Variants in ARL1 observed in about 807,000 individuals in gnomAD.
The protein encoded by ARL1 is ARF like GTPase 1, also known as ADP-ribosylation factor-like protein 1.
ARL1 carries 17 observed loss-of-function variants against 30.1 expected under a neutral mutation model. The observed-to-expected ratio is 0.56, with a 90% CI of 0.39 to 0.85. The LOEUF (loss-of-function observed/expected upper bound fraction) is 0.85, where lower values mean the gene tolerates loss of function less well. Ranked by LOEUF, ARL1 falls within the 40% of genes least tolerant of loss-of-function variation. The pLI is 0.00. For missense variants in ARL1, 102 were observed against 212.6 expected, an observed-to-expected ratio of 0.48 and a Z score of 3.24; for synonymous variants, 58 against 71.7, an observed-to-expected ratio of 0.81 and a Z score of 0.97.
rs985592174 is a variant in ARL1 at position 101,393,606 on chromosome 12, A to C, written c.*2034T>G. 1 of 152,204 alleles carries C rather than the reference A, an allele frequency of 6.6e-6. No homozygotes were observed. Among genetic ancestry groups the C allele is most frequent in the Non-Finnish European group, 1.5e-5 (1 of 68,050 alleles). The allele number at this position is 152,204 out of a possible 1,614,324, so 9.4% of individuals were successfully genotyped here. ...GGACCATATAATTTATAGCTTATTT[A>C]AGTGTCCACTTTCTTTATCCCATCC... On this transcript the variant is annotated 3_prime_UTR_variant, in exon 6 of 6. Transcript: ENST00000261636.
intron 3 of ARL1, 53 bp from the exon 4 acceptor site, chr12:101,401,226 C>G (rs988943888): frequency 4.7e-6 from 6 of 1,286,744 alleles, no homozygotes; most frequent in Non-Finnish European, 5.6e-6. Flanking sequence ...AAGGAAGAAA[C>G]TGACATATCA....
rs1382207100 is a variant in ARL1, at chr12:101,396,325, A to C, written c.515+74T>G. The C allele has an allele frequency of 1.9e-6, 3 of 1,585,428 alleles. No homozygotes were observed. The Admixed American group carries it at 5.0e-5, about 26-fold the overall frequency. Reference sequence around the variant, plus strand: ...AAAGTTTCATCCTCAACACGGGAGAAAAATTACACGTGGACGTGCATAGCT... The same window carrying C: ...AAAGTTTCATCCTCAACACGGGAGACAAATTACACGTGGACGTGCATAGCT... On this transcript the variant is annotated intron_variant, in intron 5 of 5. Coordinates refer to ENST00000261636, the MANE Select transcript of ARL1 (RefSeq NM_001177.6).
chr12:101,399,315 C>A (rs1052466478), intron 4 of ARL1, among the ~76,000 whole-genome samples: 6 of 151,940 alleles, frequency 3.9e-5, no homozygotes, highest in Non-Finnish European at 7.4e-5. Context: ...AGTTCGAGAC[C>A]AGCCTGGCCA....
At chr12:101,403,593 T>C (rs1322301239) in intron 2 of ARL1, 1 of 156,784 alleles carries the variant, frequency 6.4e-6, no homozygotes, top group African/African-American at 2.4e-5. Context: ...AATAAGGTCA[T>C]GGCTGGGTGG....
rs761052404 is a variant in ARL1 at position 101,401,155 on chromosome 12, G to A, written c.243C>T (p.Tyr81=). The A allele has an allele frequency of 5.6e-6, 9 of 1,612,614 alleles. No homozygotes were observed. The South Asian group carries it at 9.9e-5, about 18-fold the overall frequency. Residue 81 remains tyrosine, a synonymous_variant, in exon 4 of 6, where the codon TAC becomes TAT. Transcript: ENST00000261636. ...QTSIRPYWRC[Y]YSNTDAVIYV... ...AAATGACTGCATCTGTGTTTGAATA[G>A]TAACATCTCCAGTATGGCCTAGAGA...
chr12:101,401,135 A>T lies in ARL1; in HGVS notation c.263T>A (p.Val88Asp). Residue 88 changes from valine to aspartate, a missense_variant, in exon 4 of 6, where the codon GTC becomes GAC. Transcript: ENST00000261636. ...GTCACAACTGTCTACTACATAAATGACTGCATCTGTGTTTGAATAGTAACA... is the reference window on the plus strand; with the variant it reads ...GTCACAACTGTCTACTACATAAATGTCTGCATCTGTGTTTGAATAGTAACA... Reference protein sequence around the residue: ...WRCYYSNTDAVIYVVDSCDRD... With the variant: ...WRCYYSNTDADIYVVDSCDRD... 1 of 1,613,792 alleles carries T rather than the reference A, an allele frequency of 6.2e-7. No individual in the cohort carries two copies. The highest frequency in any genetic ancestry group is 8.5e-7 in the Non-Finnish European group (1 of 1,179,776).
At chr12:101,406,607 C>T (rs977514716) in intron 1 of ARL1, among the ~76,000 whole-genome samples, 1 of 151,946 alleles carries the variant, frequency 6.6e-6, no homozygotes, top group Non-Finnish European at 1.5e-5. Context: ...CATCCAGAGC[C>T]ATTAGAGAAG....
At position 101,394,923 on chromosome 12, in the gene ARL1, C is replaced by T. The variant is rs1871105832; in HGVS notation, c.*717G>A. The stretch of plus-strand genomic sequence containing the variant: ...TTACAAGCTAGCAGGTGACCTTGGG[C>T]AAGCCAACCTATTAGAACCCTGGGT... On this transcript the variant is annotated 3_prime_UTR_variant, in exon 6 of 6. Transcript: ENST00000261636. 6.6e-6 allele frequency: 1 copy of T among 152,128 alleles called. No individual in the cohort carries two copies. The highest frequency in any genetic ancestry group is 2.1e-4 in the South Asian group (1 of 4,820). The allele number at this position is 152,128 out of a possible 1,614,324, so 9.4% of individuals were successfully genotyped here.
chr12:101,400,632 G>A (rs1007823904), intron 4 of ARL1, among the ~76,000 whole-genome samples: 1 of 152,054 alleles, frequency 6.6e-6, no homozygotes, highest in Non-Finnish European at 1.5e-5. Context: ...ACAGAAAGAA[G>A]GTCAAAAGCA....
intron 4 of ARL1, among the ~76,000 whole-genome samples, chr12:101,397,656 C>T (rs575786273): frequency 3.3e-5 from 5 of 152,100 alleles, no homozygotes; most frequent in Admixed American, 6.5e-5. Flanking sequence ...CCCGCTGCCA[C>T]GCCCAGCTAA....
intron 4 of ARL1, among the ~76,000 whole-genome samples, chr12:101,396,917 C>G (rs955828971): frequency 6.6e-6 from 1 of 152,134 alleles, no homozygotes; most frequent in Non-Finnish European, 1.5e-5. Flanking sequence ...CTCCAAACTA[C>G]AACAACTTTT....
At chr12:101,401,993 T>TA (rs1005450556) in intron 3 of ARL1, among the ~76,000 whole-genome samples, 10 of 150,902 alleles carry the variant, frequency 6.6e-5, no homozygotes, top group African/African-American at 2.2e-4. Flanking sequence ...CTGCACAATT[T>TA]AAAAAAAAAG....
At chr12:101,398,896 C>CAAGT (rs1249258544) in intron 4 of ARL1, among the ~76,000 whole-genome samples, 1 of 152,116 alleles carries the variant, frequency 6.6e-6, no homozygotes, top group African/African-American at 2.4e-5. Flanking sequence ...CCTAACACTG[C>CAAGT]AAGTAACAAC....
intron 4 of ARL1, among the ~76,000 whole-genome samples, chr12:101,399,494 G>C (rs889391548): frequency 4.0e-5 from 5 of 124,958 alleles, no homozygotes. Flanking sequence ...CTGGGCGACA[G>C]AGCAAGACTC....
At chr12:101,399,533 A>AT (rs1871247188) in intron 4 of ARL1, among the ~76,000 whole-genome samples, 4 of 126,090 alleles carry the variant, frequency 3.2e-5, no homozygotes, top group Non-Finnish European at 7.2e-5. Flanking sequence ...AAAAAAAAAA[A>AT]AAAAAAGAAT....
Position 101,395,566 on chromosome 12 carries a change from T to G in ARL1, c.*74A>C. The stretch of plus-strand genomic sequence containing the variant: ...CATATAGTTTTAACATCTAGTAGTG[T>G]GAAGTACACTTGACTGTTTCCAAAG... On this transcript the variant is annotated 3_prime_UTR_variant, in exon 6 of 6. Coordinates refer to ENST00000261636, the MANE Select transcript of ARL1 (RefSeq NM_001177.6). 8.3e-7 allele frequency: 1 copy of G among 1,209,912 alleles called. No homozygotes were observed. Among genetic ancestry groups the G allele is most frequent in the Non-Finnish European group, 1.2e-6 (1 of 837,294 alleles). The allele number at this position is 1,209,912 out of a possible 1,614,324, so 74.9% of individuals were successfully genotyped here.
chr12:101,395,820 G>A (rs1214386040), intron 5 of ARL1, 150 bp from the exon 6 acceptor site: 8 of 588,352 alleles, frequency 1.4e-5, no homozygotes, highest in Non-Finnish European at 2.4e-5. Flanking sequence ...ATATCCATAA[G>A]GTTCCTCTAA....
At chr12:101,398,431 TTG>T (rs890234587) in intron 4 of ARL1, among the ~76,000 whole-genome samples, 33 of 152,046 alleles carry the variant, frequency 2.2e-4, no homozygotes, top group Middle Eastern at 3.4e-3. Context: ...TAAACTGCTT[TTG>T]TGTCTATACT....
intron 4 of ARL1, among the ~76,000 whole-genome samples, chr12:101,399,509 T>TAAAAAAAAAAAAAAAAAAAAAAAAAAA: frequency 9.0e-6 from 1 of 110,546 alleles, no homozygotes; most frequent in South Asian, 2.8e-4. Flanking sequence ...AGACTCTGTC[T>TAAAAAAAAAAAAAAAAAAAAAAAAAAA]AAAAAAAAAA....
Sources: gnomAD v4.1 joint callset for allele counts (sites outside exome capture counted in the v4.1 genomes callset) on GRCh38, gnomAD v4.1.1 for gene constraint, MANE v1.5 for transcripts, NCBI Gene and HGNC (gene_info 2026-07-23, HGNC 2026-07-21) for gene names.